The following C11orf65 variants were observed in gnomAD, a reference collection of about 807,000 sequenced individuals.
The protein encoded by C11orf65 is chromosome 11 open reading frame 65, also known as protein MFI.
A neutral mutation model predicts 35.3 loss-of-function variants in C11orf65; 38 were observed. The ratio of observed to expected loss-of-function variants is 1.08; its 90% confidence interval spans 0.83 to 1.41. The LOEUF is 1.41. C11orf65 is among the 40% of genes most tolerant of loss of function. C11orf65 has a pLI of 0.00. For missense variants in C11orf65, 370 were observed against 367.1 expected, an observed-to-expected ratio of 1.01 and a Z score of -0.06; for synonymous variants, 105 against 114.4, an observed-to-expected ratio of 0.92 and a Z score of 0.53.
intron 5 of C11orf65, among the ~76,000 whole-genome samples, chr11:108,406,330 G>C (rs1050754697): frequency 6.6e-6 from 1 of 152,066 alleles, no homozygotes; most frequent in African/African-American, 2.4e-5. Context: ...TGTTGTTGTT[G>C]TTAGTTTGTT....
chr11:108,390,605 G>A (rs2092136812), intron 7 of C11orf65, among the ~76,000 whole-genome samples: 1 of 152,018 alleles, frequency 6.6e-6, no homozygotes, highest in Non-Finnish European at 1.5e-5. Flanking sequence ...ATCCAGTCCT[G>A]GGAAACTCAT....
At chr11:108,337,551 G>A (rs1182829934) in intron 2 of C11orf65, among the ~76,000 whole-genome samples, 1 of 152,174 alleles carries the variant, frequency 6.6e-6, no homozygotes, top group Non-Finnish European at 1.5e-5. Flanking sequence ...ACCTGTGAAT[G>A]TGCGTTTCTA....
intron 2 of C11orf65, among the ~76,000 whole-genome samples, chr11:108,360,010 TG>T (rs1366958082): frequency 6.6e-6 from 1 of 151,892 alleles, no homozygotes; most frequent in Non-Finnish European, 1.5e-5. Context: ...ATCCAGGAGC[TG>T]GTTTTTTGAA....
chr11:108,375,377 G>T (rs1043601020), intron 2 of C11orf65, among the ~76,000 whole-genome samples: 2 of 151,516 alleles, frequency 1.3e-5, no homozygotes, highest in Non-Finnish European at 2.9e-5. Flanking sequence ...TTCATATCCA[G>T]CCAAACTAAG....
intron 2 of C11orf65, among the ~76,000 whole-genome samples, chr11:108,444,226 T>C (rs568855720): frequency 1.2e-4 from 18 of 152,082 alleles, no homozygotes; most frequent in African/African-American, 4.3e-4. Flanking sequence ...CTAGAAGAAA[T>C]GGATAAATTC....
chr11:108,431,771 A>G lies in C11orf65; in HGVS notation c.149T>C (p.Ile50Thr), dbSNP rs117903393. 3.4e-4 allele frequency: 520 copies of G among 1,515,872 alleles called. 2 individuals carry two copies. The East Asian group carries it at 0.011, about 31-fold the overall frequency. 93.9% of individuals were successfully genotyped at this position (1,515,872 alleles called of 1,614,324 possible). A position where few individuals can be genotyped will look rare whatever the true frequency, so the allele number is the denominator to read the frequency against. Residue 50 changes from isoleucine to threonine, a missense_variant, in exon 3 of 9, where the codon ATA becomes ACA. By Grantham distance (89) the Ile-to-Thr change is moderately conservative. Transcript: ENST00000393084. Reference sequence around the variant, plus strand: ...CTCTTTGGGATTAATATATTTCACTATCTGACGTGGTTCTCCTTGTCTTCT... The same window carrying G: ...CTCTTTGGGATTAATATATTTCACTGTCTGACGTGGTTCTCCTTGTCTTCT... ...DLRRQGEPRQ[I>T]VKYINPKEAE... is the part of the protein sequence containing the mutation.
rs1220535593 is a variant in C11orf65, at chr11:108,309,114, A to G, written c.641-43T>C. 7 of 1,139,476 alleles carry G rather than the reference A, an allele frequency of 6.1e-6. No individual in the cohort carries two copies. The East Asian group carries it at 1.8e-4, about 29-fold the overall frequency. 70.6% of individuals were successfully genotyped at this position (1,139,476 alleles called of 1,614,324 possible). ...GGGATATAGAAAAACGGGTAAAGAC[A>G]TGCATTCAAGTCCAAGCTTGTGCTG... On this transcript the variant is annotated intron_variant, in intron 6 of 6. Coordinates refer to the C11orf65 transcript ENST00000525729.
chr11:108,323,683 T>C (rs1198757870), intron 6 of C11orf65, among the ~76,000 whole-genome samples: 1 of 152,206 alleles, frequency 6.6e-6, no homozygotes, highest in African/African-American at 2.4e-5. Flanking sequence ...ACAACTATTA[T>C]GTATCCATAA....
Position 108,389,160 on chromosome 11 carries a change from C to T in C11orf65, c.732-3185G>A, listed in dbSNP as rs533048660. Among the ~76,000 whole-genome samples the T allele has an allele frequency of 2.6e-5, 4 of 152,360 alleles. No homozygotes were observed. In the South Asian group the frequency reaches 8.3e-4, roughly 32 times the overall value. Reference sequence around the variant, plus strand: ...TCCAAGGAATTAGGGGTGACCAATTCTCTAGAGGGGACAAATGTCAGACTT... The same window carrying T: ...TCCAAGGAATTAGGGGTGACCAATTTTCTAGAGGGGACAAATGTCAGACTT... On this transcript the variant is annotated intron_variant, in intron 7 of 8. Transcript: ENST00000393084.
At chr11:108,317,317 G>A (rs2136159103) in intron 6 of C11orf65, 1 of 1,559,554 alleles carries the variant, frequency 6.4e-7, no homozygotes, top group Non-Finnish European at 8.8e-7. Context: ...TTTTTCTCTG[G>A]TTTTCTGTTG....
At chr11:108,407,173 A>G in intron 3 of C11orf65, 24 bp from the exon 4 acceptor site, 1 of 1,490,160 alleles carries the variant, frequency 6.7e-7, no homozygotes, top group East Asian at 2.4e-5. Context: ...TATTATTCTT[A>G]TATATTATTC....
chr11:108,350,502 G>T (rs1198349456), intron 2 of C11orf65, among the ~76,000 whole-genome samples: 2 of 152,154 alleles, frequency 1.3e-5, no homozygotes, highest in Non-Finnish European at 2.9e-5. Context: ...CCATATGAGT[G>T]GTTCATTAAG....
chr11:108,326,449 A>C (rs1431706152), downstream of C11orf65, among the ~76,000 whole-genome samples: 1 of 152,180 alleles, frequency 6.6e-6, no homozygotes, highest in Non-Finnish European at 1.5e-5. Flanking sequence ...GATTCATTTA[A>C]TATATCCCAG....
chr11:108,329,047 T>C (rs3218675), downstream of C11orf65: 11 of 1,613,986 alleles, frequency 6.8e-6, no homozygotes, highest in African/African-American at 2.7e-5. Context: ...GAAATTATGA[T>C]GGAGAAAGTA....
intron 2 of C11orf65, among the ~76,000 whole-genome samples, chr11:108,449,279 G>A (rs147493677): frequency 0.61 from 92,492 of 150,724 alleles, 28,705 homozygotes; most frequent in Middle Eastern, 0.75. Context: ...AATTGGAAAA[G>A]ACTACTTTAA....
At chr11:108,391,707 C>T (rs1012821631) in intron 7 of C11orf65, among the ~76,000 whole-genome samples, 1 of 151,690 alleles carries the variant, frequency 6.6e-6, no homozygotes, top group African/African-American at 2.4e-5. Context: ...ATTTTCATTG[C>T]CTCAGAAAGA....
At chr11:108,441,125 T>C (rs2093146871) in intron 2 of C11orf65, among the ~76,000 whole-genome samples, 1 of 152,196 alleles carries the variant, frequency 6.6e-6, no homozygotes, top group African/African-American at 2.4e-5. Context: ...CCCACCCTAA[T>C]ACTGTGCTTT....
At chr11:108,420,496 G>A (rs2092800060) in intron 3 of C11orf65, among the ~76,000 whole-genome samples, 1 of 152,124 alleles carries the variant, frequency 6.6e-6, no homozygotes, top group African/African-American at 2.4e-5. Flanking sequence ...CACTGGACAT[G>A]GGTTGACCTA....
intron 6 of C11orf65, among the ~76,000 whole-genome samples, chr11:108,396,961 G>C (rs1341855742): frequency 6.6e-6 from 1 of 151,818 alleles, no homozygotes; most frequent in African/African-American, 2.4e-5. Flanking sequence ...CAAATATAGT[G>C]ATCAGAAATA....
Sources: gnomAD v4.1 joint callset for allele counts (sites outside exome capture counted in the v4.1 genomes callset) on GRCh38, gnomAD v4.1.1 for gene constraint, MANE v1.5 for transcripts, NCBI Gene and HGNC (gene_info 2026-07-23, HGNC 2026-07-21) for gene names.